The following RBFOX1 variants were observed in gnomAD, a reference collection of about 807,000 sequenced individuals.
The protein encoded by RBFOX1 is RNA binding fox-1 homolog 1.
A neutral mutation model predicts 57.7 loss-of-function variants in RBFOX1; 8 were observed. The observed-to-expected ratio is 0.14, with a 90% CI of 0.08 to 0.25. RBFOX1 has a LOEUF of 0.25. Among genes scored for constraint, RBFOX1 ranks in the 10% least tolerant of loss-of-function variants. The pLI is 1.00. For synonymous variants in RBFOX1, 326 were observed against 222.4 expected (o/e 1.47, Z -4.15); for missense variants, 611 against 548.5 (o/e 1.11, Z -1.14).
chr16:5,891,193 C>T (rs1328842925), intron 4 of RBFOX1, among the ~76,000 whole-genome samples: 4 of 139,848 alleles, frequency 2.9e-5, no homozygotes, highest in East Asian at 2.3e-4. Flanking sequence ...AAAGTGTAAA[C>T]CCCCTCCTCT....
At chr16:5,283,214 C>T (rs1455196082) in intron 1 of RBFOX1, among the ~76,000 whole-genome samples, 1 of 152,188 alleles carries the variant, frequency 6.6e-6, no homozygotes, top group East Asian at 1.9e-4. Context: ...ATGGAAATGC[C>T]TAGATGTCCA....
chr16:5,258,276 A>T (rs1382559457), intron 1 of RBFOX1, among the ~76,000 whole-genome samples: 2 of 152,218 alleles, frequency 1.3e-5, no homozygotes, highest in Non-Finnish European at 2.9e-5. Flanking sequence ...TCACATAAGT[A>T]TAAAAACTAT....
chr16:7,253,475 C>G (rs183118300), intron 4 of RBFOX1, among the ~76,000 whole-genome samples: 1 of 152,156 alleles, frequency 6.6e-6, no homozygotes. Flanking sequence ...AGGATCAATC[C>G]TCTGCCTATC....
intron 2 of RBFOX1, among the ~76,000 whole-genome samples, chr16:6,613,518 G>A (rs2098098804): frequency 6.6e-6 from 1 of 152,078 alleles, no homozygotes; most frequent in South Asian, 2.1e-4. Context: ...TTACATGCAA[G>A]GACATTGTAA....
intron 4 of RBFOX1, among the ~76,000 whole-genome samples, chr16:7,367,833 GAT>G (rs771944553): frequency 1.1e-3 from 167 of 151,076 alleles, no homozygotes; most frequent in African/African-American, 3.8e-3. Flanking sequence ...TCATTATGAT[GAT>G]ATATATATAT....
At chr16:7,470,890 G>A (rs1353917618) in intron 4 of RBFOX1, among the ~76,000 whole-genome samples, 2 of 150,494 alleles carry the variant, frequency 1.3e-5, no homozygotes, top group African/African-American at 2.4e-5. Flanking sequence ...GGCGGGATGG[G>A]GGAGTATAAT....
At chr16:7,092,743 G>A (rs2061068835) in intron 4 of RBFOX1, among the ~76,000 whole-genome samples, 1 of 152,152 alleles carries the variant, frequency 6.6e-6, no homozygotes, top group Admixed American at 6.5e-5. Flanking sequence ...ATGAAGAGCT[G>A]AAAACAGAGG....
In RBFOX1 at chr16:7,412,482, C is replaced by G. The variant is rs186154213; in HGVS notation, c.28-105665C>G. On this transcript the variant is annotated intron_variant, in intron 4 of 15. Coordinates refer to ENST00000550418, the MANE Select transcript of RBFOX1 (RefSeq NM_018723.4). ...ATGGAAATTCTCTGTACAAACTTCACAACATTTCTGTAAATCGAAAAGTAT... is the reference window on the plus strand; with the variant it reads ...ATGGAAATTCTCTGTACAAACTTCAGAACATTTCTGTAAATCGAAAAGTAT... 1.2e-4 allele frequency among the ~76,000 whole-genome samples: 18 copies of G among 150,906 alleles called. No homozygotes were observed. In the East Asian group the frequency reaches 2.7e-3, roughly 23 times the overall value.
chr16:7,460,387 A>G lies in RBFOX1; in HGVS notation c.28-57760A>G, dbSNP rs867253928. Among the ~76,000 whole-genome samples the G allele has an allele frequency of 2.0e-4, 15 of 75,498 alleles. 1 individual carries two copies. The highest frequency in any genetic ancestry group is 6.2e-4 in the African/African-American group (7 of 11,214). 49.5% of individuals were successfully genotyped at this position (75,498 alleles called of 152,430 possible). A position where few individuals can be genotyped will look rare whatever the true frequency, so the allele number is the denominator to read the frequency against. ...TTTAGCAAAATATATATATATATAT[A>G]TATGTGTGTGTGTGTGTGTGTGTGT... On this transcript the variant is annotated intron_variant, in intron 4 of 15. Transcript: ENST00000550418.
intron 4 of RBFOX1, among the ~76,000 whole-genome samples, chr16:7,386,075 C>A (rs2097874113): frequency 6.6e-6 from 1 of 151,988 alleles, no homozygotes; most frequent in Non-Finnish European, 1.5e-5. Flanking sequence ...AGGTGTGAGC[C>A]ACCATGCCCA....
chr16:6,326,562 C>A (rs1009654538), intron 2 of RBFOX1, among the ~76,000 whole-genome samples: 1 of 152,102 alleles, frequency 6.6e-6, no homozygotes. Context: ...AGGGCATTCT[C>A]CTCTCAGGGT....
intron 2 of RBFOX1, among the ~76,000 whole-genome samples, chr16:6,407,978 G>A (rs1289575037): frequency 6.6e-6 from 1 of 152,058 alleles, no homozygotes; most frequent in African/African-American, 2.4e-5. Context: ...AGGCCATGAG[G>A]GTAGACCTCT....
intron 3 of RBFOX1, among the ~76,000 whole-genome samples, chr16:5,835,097 G>T (rs1035414061): frequency 6.6e-6 from 1 of 152,156 alleles, no homozygotes; most frequent in Non-Finnish European, 1.5e-5. Flanking sequence ...GGCTCAACTT[G>T]ACACATCTGT....
intron 1 of RBFOX1, among the ~76,000 whole-genome samples, chr16:5,336,954 T>A (rs750415493): frequency 4.6e-5 from 7 of 152,242 alleles, no homozygotes; most frequent in Non-Finnish European, 8.8e-5. Flanking sequence ...CTGACAGCCC[T>A]AAGTACCTTT....
chr16:6,777,178 A>G (rs560942403), intron 3 of RBFOX1, among the ~76,000 whole-genome samples: 56 of 152,020 alleles, frequency 3.7e-4, no homozygotes, highest in African/African-American at 1.2e-3. Context: ...GTATTTTCTG[A>G]GCTTTAGAAA....
intron 2 of RBFOX1, among the ~76,000 whole-genome samples, chr16:6,461,344 C>T (rs1295158356): frequency 2.0e-5 from 3 of 152,118 alleles, no homozygotes; most frequent in South Asian, 2.1e-4. Context: ...TTAATTAACT[C>T]GTTAAAGACC....
chr16:7,711,666 G>A lies in RBFOX1; in HGVS notation c.*921G>A, dbSNP rs1206199744. 1 of 152,558 alleles carries A rather than the reference G, an allele frequency of 6.6e-6. No homozygotes were observed. Among genetic ancestry groups the A allele is most frequent in the Admixed American group, 6.5e-5 (1 of 15,302 alleles). 9.5% of individuals were successfully genotyped at this position (152,558 alleles called of 1,614,324 possible). The stretch of plus-strand genomic sequence containing the variant: ...ATTCTTTGTACCAGTTAAAAAAAAT[G>A]TATAAAATTTACATCTGTGCAGTGG... On this transcript the variant is annotated 3_prime_UTR_variant, in exon 16 of 16. Coordinates refer to ENST00000550418, the MANE Select transcript of RBFOX1 (RefSeq NM_018723.4).
At chr16:5,975,449 G>A (rs1304457109) in intron 4 of RBFOX1, among the ~76,000 whole-genome samples, 6 of 152,188 alleles carry the variant, frequency 3.9e-5, no homozygotes, top group Admixed American at 6.5e-5. Flanking sequence ...GGGAAAAACC[G>A]AGTGTGCTTA....
chr16:6,245,992 C>G (rs950514712), intron 1 of RBFOX1, among the ~76,000 whole-genome samples: 2 of 152,152 alleles, frequency 1.3e-5, no homozygotes, highest in African/African-American at 4.8e-5. Flanking sequence ...TTTCTAAATG[C>G]TCTTTAACTT....
Sources: allele counts gnomAD v4.1 joint callset (sites outside exome capture counted in the v4.1 genomes callset), GRCh38; gene constraint gnomAD v4.1.1; transcripts MANE v1.5; gene names NCBI Gene and HGNC (gene_info 2026-07-23, HGNC 2026-07-21).